The following PSIP1 variants were observed in gnomAD, a reference collection of about 807,000 sequenced individuals.
PSIP1 encodes PC4 and SFRS1-interacting protein.
PSIP1 carries 19 observed loss-of-function variants against 74.7 expected under a neutral mutation model. That is an observed-to-expected ratio of 0.25 (90% CI 0.18 to 0.37). PSIP1 has a LOEUF of 0.37. PSIP1 is among the 10% of genes least tolerant of loss of function. The pLI, the probability that PSIP1 is intolerant of heterozygous loss-of-function variation, is 1.00. For synonymous variants in PSIP1, 222 were observed against 195.3 expected, an observed-to-expected ratio of 1.14 and a Z score of -1.14; for missense variants, 601 against 614.3, an observed-to-expected ratio of 0.98 and a Z score of 0.23.
At chr9:15,501,824 C>T (rs1408724266) in intron 3 of PSIP1, among the ~76,000 whole-genome samples, 4 of 120,328 alleles carry the variant, frequency 3.3e-5, no homozygotes, top group Non-Finnish European at 6.5e-5. Flanking sequence ...ATGTTTAAGT[C>T]CCTTATATAA....
chr9:15,490,418 T>C (rs2036771959), intron 3 of PSIP1, among the ~76,000 whole-genome samples: 1 of 152,158 alleles, frequency 6.6e-6, no homozygotes, highest in African/African-American at 2.4e-5. Flanking sequence ...CGTGGTGCCT[T>C]ACGCCTGTAA....
At chr9:15,496,161 C>A (rs1415225400) in intron 3 of PSIP1, among the ~76,000 whole-genome samples, 2 of 152,180 alleles carry the variant, frequency 1.3e-5, no homozygotes, top group Non-Finnish European at 2.9e-5. Context: ...GGTTGAAAGA[C>A]TAGCAGCAAA....
intron 14 of PSIP1, among the ~76,000 whole-genome samples, chr9:15,467,776 T>G (rs1003313694): frequency 1.3e-5 from 2 of 152,196 alleles, no homozygotes; most frequent in Admixed American, 1.3e-4. Flanking sequence ...GTGAAAAAAG[T>G]AGAAGCTAAG....
At chr9:15,483,745 A>G (rs2036436509) in intron 6 of PSIP1, among the ~76,000 whole-genome samples, 1 of 152,116 alleles carries the variant, frequency 6.6e-6, no homozygotes. Context: ...AAAATGACGC[A>G]TTCTTTGGGA....
Position 15,464,705 on chromosome 9 carries a change from C to T in PSIP1, c.*815G>A, listed in dbSNP as rs369168391. On this transcript the variant is annotated 3_prime_UTR_variant, in exon 16 of 16. Transcript: ENST00000380733. ...ACAACATTCCTCAAAAATAAACTTACTTAGTTTTCAGTTTTAGTTACTAGT... is the reference window on the plus strand; with the variant it reads ...ACAACATTCCTCAAAAATAAACTTATTTAGTTTTCAGTTTTAGTTACTAGT... 5.0e-6 allele frequency: 1 copy of T among 199,540 alleles called. No homozygotes were observed. 12.4% of individuals were successfully genotyped at this position (199,540 alleles called of 1,614,324 possible).
intron 14 of PSIP1, chr9:15,468,338 G>A (rs1186811492): frequency 1.6e-6 from 1 of 609,482 alleles, no homozygotes; most frequent in African/African-American, 1.8e-5. Flanking sequence ...GTACTCTAGG[G>A]ATTAGGAGGC....
At chr9:15,490,809 A>C (rs532627260) in intron 3 of PSIP1, among the ~76,000 whole-genome samples, 1 of 152,290 alleles carries the variant, frequency 6.6e-6, no homozygotes, top group African/African-American at 2.4e-5. Context: ...CTTCAAAATA[A>C]CTTCGTATAT....
chr9:15,500,180 A>AAT (rs1211642088), intron 3 of PSIP1, among the ~76,000 whole-genome samples: 14 of 152,294 alleles, frequency 9.2e-5, no homozygotes, highest in Non-Finnish European at 1.0e-4. Flanking sequence ...AAGAGAGATC[A>AAT]ATAGGGCTGG....
intron 4 of PSIP1, chr9:15,489,261 G>A (rs1157857810): frequency 6.6e-6 from 1 of 152,096 alleles, no homozygotes; most frequent in African/African-American, 2.4e-5. Context: ...AAGTACATTT[G>A]TCACATACCA....
At chr9:15,488,432 C>T (rs2036653745) in intron 4 of PSIP1, among the ~76,000 whole-genome samples, 3 of 152,134 alleles carry the variant, frequency 2.0e-5, no homozygotes, top group Admixed American at 2.0e-4. Flanking sequence ...TTTTGGACCT[C>T]AGGTCTTAAA....
At position 15,486,038 on chromosome 9, in the gene PSIP1, G is replaced by T; in HGVS notation, c.424C>A (p.Pro142Thr). The T allele has an allele frequency of 6.2e-7, 1 of 1,609,656 alleles. No individual in the cohort carries two copies. The highest frequency in any genetic ancestry group is 8.5e-7 in the Non-Finnish European group (1 of 1,176,630). The change falls in exon 6 of 16, where the codon CCA becomes ACA. Residue 142 changes from proline (P) to threonine (T), a missense_variant. Physicochemically the swap from Pro to Thr is conservative, Grantham distance 38. Around this residue, in one of 2 missense-constraint regions of PSIP1, gnomAD observed 538 missense variants for 507.6 expected, o/e 1.06. Coordinates refer to ENST00000380733, the MANE Select transcript of PSIP1 (RefSeq NM_033222.5). ...TTTCTCCCCCTTCTGGCAGCTTTTG[G>T]AGTAGTTATGTCAACTGCTTTAGTC... ...DVTKAVDITT[P>T]KAARRGRKRK...
chr9:15,472,013 C>T (rs980588891), intron 10 of PSIP1: 1 of 973,162 alleles, frequency 1.0e-6, no homozygotes, highest in South Asian at 4.8e-5. Flanking sequence ...ATTATCATTG[C>T]TATTACTTTT....
In PSIP1 at chr9:15,489,608, CAAAAAAA is replaced by C. The variant is rs1278277874; in HGVS notation, c.288+371_288+377del. 1.5e-4 allele frequency among the ~76,000 whole-genome samples: 7 copies of C among 45,546 alleles called. No homozygotes were observed. In the South Asian group the frequency reaches 5.0e-3, roughly 32 times the overall value. The allele number at this position is 45,546 out of a possible 152,430, so 29.9% of individuals were successfully genotyped here. ...GGGCAACAAGAGCGAAACTACACCT[CAAAAAAA>C]AAAAAAAAAAAAAGAAATTTAATTA... On this transcript the variant is annotated intron_variant, in intron 4 of 15. Coordinates refer to ENST00000380733, the MANE Select transcript of PSIP1 (RefSeq NM_033222.5).
At chr9:15,491,641 A>G (rs1488450671) in intron 3 of PSIP1, among the ~76,000 whole-genome samples, 3 of 152,220 alleles carry the variant, frequency 2.0e-5, no homozygotes, top group Non-Finnish European at 4.4e-5. Flanking sequence ...GAAGTCAGAA[A>G]TCCATTTAAG....
intron 6 of PSIP1, among the ~76,000 whole-genome samples, chr9:15,484,722 G>A (rs144277989): frequency 6.7e-4 from 101 of 151,330 alleles, no homozygotes; most frequent in African/African-American, 1.6e-3. Context: ...GTGAGAATCC[G>A]TCTCAAAACA....
intron 8 of PSIP1, among the ~76,000 whole-genome samples, chr9:15,477,523 C>G (rs1285081882): frequency 6.6e-6 from 1 of 152,044 alleles, no homozygotes; most frequent in African/African-American, 2.4e-5. Flanking sequence ...TCAGTTCATT[C>G]AAAACAATGT....
At chr9:15,471,647 G>C in intron 10 of PSIP1, 1 of 936,158 alleles carries the variant, frequency 1.1e-6, no homozygotes, top group Non-Finnish European at 1.3e-6. Context: ...CTTTAGATAA[G>C]TTATTTAAAT....
rs116350549 is a variant in PSIP1 at position 15,483,769 on chromosome 9, G to A, written c.456+2237C>T. Among the ~76,000 whole-genome samples, 170 of 152,228 alleles carry A rather than the reference G, an allele frequency of 1.1e-3. 2 individuals are homozygous for A. The highest frequency in any genetic ancestry group is 4.0e-3 in the African/African-American group (166 of 41,542). ...CATTCTTTGGGAGGCTAAGGAAGGC[G>A]GATCACAAGGTGAGGAGTTCAAGAC... On this transcript the variant is annotated intron_variant, in intron 6 of 15. Coordinates refer to ENST00000380733, the MANE Select transcript of PSIP1 (RefSeq NM_033222.5).
chr9:15,470,403 T>G (rs1392630605), intron 10 of PSIP1, among the ~76,000 whole-genome samples: 3 of 152,140 alleles, frequency 2.0e-5, no homozygotes, highest in Non-Finnish European at 4.4e-5. Flanking sequence ...AAGTTAGCTT[T>G]AAAGTTAAAT....
Sources: allele counts gnomAD v4.1 joint callset (sites outside exome capture counted in the v4.1 genomes callset), GRCh38; gene constraint gnomAD v4.1.1; regional missense constraint gnomAD v4.1.1; transcripts MANE v1.5; gene names NCBI Gene and HGNC (gene_info 2026-07-23, HGNC 2026-07-21).